The following NUP214 variants were observed in gnomAD, a reference collection of about 807,000 sequenced individuals.
NUP214 encodes nuclear pore complex protein Nup214.
Under a neutral mutation model 196.2 loss-of-function variants are expected in NUP214, and 79 were observed. The ratio of observed to expected loss-of-function variants is 0.40; its 90% CI spans 0.34 to 0.49. The LOEUF is 0.49. Ranked by LOEUF, NUP214 falls within the 20% of genes least tolerant of loss-of-function variation. NUP214 has a pLI of 0.58. For missense variants in NUP214, 2,468 were observed against 2,539.0 expected, an observed-to-expected ratio of 0.97 and a Z score of 0.60; for synonymous variants, 1,020 against 990.5, an observed-to-expected ratio of 1.03 and a Z score of -0.56.
At chr9:131,162,810 A>C (rs1232107144) in intron 18 of NUP214, 181 bp from the exon 19 acceptor site, 1 of 626,718 alleles carries the variant, frequency 1.6e-6, no homozygotes, top group Non-Finnish European at 2.7e-6. Context: ...ATTCCATTTT[A>C]TCTTCATTAG....
chr9:131,130,834 C>T lies in NUP214; in HGVS notation c.661C>T (p.Pro221Ser). 1 of 1,613,768 alleles carries T rather than the reference C, an allele frequency of 6.2e-7. No individual in the cohort carries two copies. ...GAATGGAACTGTGGTCCAGTATCTT[C>T]CTGTAAGTTCTTATCTTGAACTTCA... ...KQNGTVVQYL[P>S]TLQEKKVIPC... Residue 221 changes from proline to serine, a missense_variant and splice_region_variant, in exon 5 of 36, where the codon CCT (proline) becomes TCT (serine). Around this residue, in one of 5 missense-constraint regions of NUP214, gnomAD observed 392 missense variants for 417.9 expected, o/e 0.94. Coordinates refer to ENST00000359428, the MANE Select transcript of NUP214 (RefSeq NM_005085.4).
At chr9:131,158,939 G>GT (rs1367816430) in intron 17 of NUP214, 1 of 153,792 alleles carries the variant, frequency 6.5e-6, no homozygotes, top group African/African-American at 2.4e-5. Context: ...TAGAGACGGG[G>GT]TTTTACCATG....
At position 131,131,345 on chromosome 9, in the gene NUP214, G is replaced by A. The variant is rs75946175; in HGVS notation, c.663+509G>A. Among the ~76,000 whole-genome samples, 3 of 152,324 alleles carry A rather than the reference G, an allele frequency of 2.0e-5. No homozygotes were observed. The South Asian group carries it at 6.2e-4, about 32-fold the overall frequency. On this transcript the variant is annotated intron_variant, in intron 5 of 35. Coordinates refer to ENST00000359428, the MANE Select transcript of NUP214 (RefSeq NM_005085.4). ...GCATGTGCACTCTGTCATCCTCCCTGTGAATTTCTTGAAATAATGTTCACA... is the reference window on the plus strand; with the variant it reads ...GCATGTGCACTCTGTCATCCTCCCTATGAATTTCTTGAAATAATGTTCACA...
chr9:131,205,383 G>A (rs906358987), intron 30 of NUP214, among the ~76,000 whole-genome samples: 1 of 152,182 alleles, frequency 6.6e-6, no homozygotes, highest in Non-Finnish European at 1.5e-5. Flanking sequence ...AACTCATATT[G>A]CTAGTGAGAG....
intron 4 of NUP214, among the ~76,000 whole-genome samples, chr9:131,130,137 G>GTTTTTTTTTTTGTTTTTTTTTTTT (rs1554728065): frequency 1.3e-5 from 1 of 76,894 alleles, no homozygotes; most frequent in Non-Finnish European, 2.3e-5. Flanking sequence ...TTCTGGTTTT[G>GTTTTTTTTTTTGTTTTTTTTTTTT]TTTTTTTTTT....
intron 21 of NUP214, among the ~76,000 whole-genome samples, chr9:131,172,981 A>T (rs1470255248): frequency 6.6e-6 from 1 of 152,228 alleles, no homozygotes; most frequent in Non-Finnish European, 1.5e-5. Flanking sequence ...AGTTAACATG[A>T]CATAAAGCCT....
At chr9:131,144,231 C>A in intron 11 of NUP214, 49 bp from the exon 12 acceptor site, 1 of 1,377,632 alleles carries the variant, frequency 7.3e-7, no homozygotes, top group Non-Finnish European at 1.0e-6. Flanking sequence ...TTATGTGAAC[C>A]TCCACTGTTA....
chr9:131,135,996 A>G lies in NUP214; in HGVS notation c.995A>G (p.Gln332Arg), dbSNP rs200324263. Residue 332 changes from glutamine (Q) to arginine (R), a missense_variant, in exon 9 of 36, where the codon CAA becomes CGA. By Grantham distance (43) the Gln-to-Arg change is conservative (BLOSUM62 1). Around this residue, in one of 5 missense-constraint regions of NUP214, gnomAD observed 392 missense variants for 417.9 expected, o/e 0.94. Coordinates refer to ENST00000359428, the MANE Select transcript of NUP214 (RefSeq NM_005085.4). ...ACAGAAGTTAGTATCCTTGCTCGAC[A>G]AAGTGATCAGGTAAATCTCTTTTTT... ...ASTEVSILAR[Q>R]SDQINWESWL... 4 of 1,612,786 alleles carry G rather than the reference A, an allele frequency of 2.5e-6. No homozygotes were observed. Among genetic ancestry groups the G allele is most frequent in the Middle Eastern group, 1.6e-4 (1 of 6,084 alleles).
chr9:131,172,222 C>T (rs908208253), intron 21 of NUP214, among the ~76,000 whole-genome samples: 45 of 151,864 alleles, frequency 3.0e-4, no homozygotes, highest in African/African-American at 1.1e-3. Flanking sequence ...CCTGTTGTTT[C>T]CTGACTTTTT....
intron 24 of NUP214, 108 bp from the exon 25 acceptor site, chr9:131,187,181 C>A: frequency 2.2e-6 from 2 of 897,752 alleles, no homozygotes; most frequent in Non-Finnish European, 3.6e-6. Flanking sequence ...GCATCTGTAT[C>A]CTACCCAAAA....
intron 9 of NUP214, among the ~76,000 whole-genome samples, chr9:131,136,315 G>A (rs911801603): frequency 2.0e-5 from 3 of 152,252 alleles, no homozygotes. Flanking sequence ...ACTATATGTG[G>A]TTAAGGTATA....
intron 32 of NUP214, among the ~76,000 whole-genome samples, chr9:131,226,037 A>AT (rs1470805282): frequency 6.6e-6 from 1 of 152,110 alleles, no homozygotes; most frequent in Non-Finnish European, 1.5e-5. Context: ...GGAAGATGAG[A>AT]GGTGGGCGTT....
chr9:131,215,302 C>A lies in NUP214; in HGVS notation c.5683C>A (p.Gln1895Lys), dbSNP rs752203105. The change falls in exon 31 of 36, where the codon CAG (glutamine) becomes AAG (lysine). Residue 1895 changes from glutamine to lysine, a missense_variant. Gln to Lys is a moderately conservative substitution (Grantham distance 53). Around this residue, in one of 5 missense-constraint regions of NUP214, gnomAD observed 262 missense variants for 296.5 expected, o/e 0.88. Transcript: ENST00000359428. Reference protein sequence around the residue: ...FFSGLGGKPSQDAANKNPFSS... With the variant: ...FFSGLGGKPSKDAANKNPFSS... ...CAGTGGCCTTGGAGGAAAACCCAGT[C>A]AGGATGCAGCCAACAAAAACCCATT... 2 of 1,610,292 alleles carry A rather than the reference C, an allele frequency of 1.2e-6. No homozygotes were observed. The highest frequency in any genetic ancestry group is 2.7e-5 in the African/African-American group (2 of 74,654).
chr9:131,178,330 A>G lies in NUP214; in HGVS notation c.3339A>G (p.Glu1113=). Residue 1113 remains glutamate (E), a synonymous_variant, in exon 24 of 36, where the codon GAA becomes GAG. Coordinates refer to ENST00000359428, the MANE Select transcript of NUP214 (RefSeq NM_005085.4). ...AATTAGCTGTAAACACTTTGACTGAATCAACGTTGAAGAATGTCCCTCAAG... is the reference window on the plus strand; with the variant it reads ...AATTAGCTGTAAACACTTTGACTGAGTCAACGTTGAAGAATGTCCCTCAAG... ...SQAPAVNTLT[E]STLKNVPQVV... is the part of the protein sequence containing the mutation. 2 of 1,612,980 alleles carry G rather than the reference A, an allele frequency of 1.2e-6. No homozygotes were observed. Among genetic ancestry groups the G allele is most frequent in the East Asian group, 2.2e-5 (1 of 44,876 alleles).
intron 17 of NUP214, among the ~76,000 whole-genome samples, chr9:131,156,235 C>T (rs1832437145): frequency 6.6e-6 from 1 of 151,406 alleles, no homozygotes; most frequent in South Asian, 2.1e-4. Flanking sequence ...CGGGTTCACG[C>T]CATCCTCCTG....
At chr9:131,189,511 C>T (rs928241213) in intron 26 of NUP214, among the ~76,000 whole-genome samples, 2 of 152,150 alleles carry the variant, frequency 1.3e-5, no homozygotes, top group Admixed American at 1.3e-4. Context: ...AACGCTATTT[C>T]TTCCACTAAA....
At chr9:131,208,049 A>G (rs535949420) in intron 30 of NUP214, among the ~76,000 whole-genome samples, 20 of 152,374 alleles carry the variant, frequency 1.3e-4, no homozygotes, top group African/African-American at 4.1e-4. Context: ...TAGGATGGCT[A>G]TCATTTAAAA....
In NUP214 at chr9:131,178,703, A is replaced by ATT. The variant is rs11454350; in HGVS notation, c.3419+308_3419+309dup. Among the ~76,000 whole-genome samples the ATT allele has an allele frequency of 4.0e-3, 562 of 141,242 alleles. 5 individuals are homozygous for ATT. The highest frequency in any genetic ancestry group is 5.4e-3 in the Admixed American group (77 of 14,242). The allele number at this position is 141,242 out of a possible 152,430, so 92.7% of individuals were successfully genotyped here. ...TGGTACACATTAGGTGTGCAGGTTG[A>ATT]TTTTTTTTTTTTTTTTAATGCCCTA... On this transcript the variant is annotated intron_variant, in intron 24 of 35. Coordinates refer to ENST00000359428, the MANE Select transcript of NUP214 (RefSeq NM_005085.4).
At chr9:131,130,711 C>T in intron 4 of NUP214, 55 bp from the exon 5 acceptor site, 2 of 1,463,382 alleles carry the variant, frequency 1.4e-6, no homozygotes, top group Non-Finnish European at 1.9e-6. Context: ...TGTGATAGAT[C>T]TTATTGGTTT....
Sources: allele counts gnomAD v4.1 joint callset (sites outside exome capture counted in the v4.1 genomes callset), GRCh38; gene constraint gnomAD v4.1.1; regional missense constraint gnomAD v4.1.1; transcripts MANE v1.5; gene names NCBI Gene and HGNC (gene_info 2026-07-23, HGNC 2026-07-21).